The following RCBTB2 variants were observed in gnomAD, a reference collection of about 807,000 sequenced individuals.
RCBTB2 encodes the protein RCC1 and BTB domain containing protein 2.
Under a neutral mutation model 65.4 loss-of-function variants are expected in RCBTB2, and 55 were observed. That is an observed-to-expected ratio of 0.84 (90% confidence interval 0.68 to 1.05). The LOEUF (loss-of-function observed/expected upper bound fraction) is 1.05. RCBTB2 is among the 50% of genes least tolerant of loss of function. The probability of loss-of-function intolerance (pLI) is 0.00; values close to 1 mark genes in which losing one functional copy is unlikely to be tolerated. For synonymous variants in RCBTB2, 220 were observed against 255.2 expected, an observed-to-expected ratio of 0.86 and a Z score of 1.31; for missense variants, 599 against 680.1, an observed-to-expected ratio of 0.88 and a Z score of 1.33.
chr13:48,491,967 G>A (rs1949718335), intron 14 of RCBTB2, among the ~76,000 whole-genome samples: 1 of 152,172 alleles, frequency 6.6e-6, no homozygotes, highest in Admixed American at 6.5e-5. Context: ...TTAAAGAATT[G>A]TAGTCTATTT....
At chr13:48,493,315 A>ACTCTCTCCCTCTCTCTCTCTCT (rs1555297880) in intron 14 of RCBTB2, among the ~76,000 whole-genome samples, 10 of 75,082 alleles carry the variant, frequency 1.3e-4, no homozygotes, top group African/African-American at 5.4e-4. Context: ...ACACACACAC[A>ACTCTCTCCCTCTCTCTCTCTCT]CTCTCTCTCT....
chr13:48,512,218 A>G, intron 7 of RCBTB2, 44 bp from the exon 8 acceptor site: 1 of 1,528,086 alleles, frequency 6.5e-7, no homozygotes, highest in Non-Finnish European at 9.0e-7. Context: ...TTAATTTATA[A>G]ACTGTCTCAA....
chr13:48,527,339 T>TATATATATATATG (rs1951821072), intron 1 of RCBTB2, among the ~76,000 whole-genome samples: 1 of 118,074 alleles, frequency 8.5e-6, no homozygotes, highest in East Asian at 2.1e-4. Flanking sequence ...ATATATATGA[T>TATATATATATATG]ATATATATAT....
chr13:48,519,101 T>C (rs1566316027), intron 4 of RCBTB2, among the ~76,000 whole-genome samples: 1 of 152,220 alleles, frequency 6.6e-6, no homozygotes, highest in Non-Finnish European at 1.5e-5. Context: ...TCTTTCAAGA[T>C]CACTAGCTTC....
intron 6 of RCBTB2, 23 bp downstream of exon 6, chr13:48,515,182 T>A: frequency 6.2e-7 from 1 of 1,601,396 alleles, no homozygotes; most frequent in Non-Finnish European, 8.5e-7. Context: ...AAGCTGAAAT[T>A]CTACATGGGG....
chr13:48,508,367 G>A (rs560810450), intron 10 of RCBTB2, among the ~76,000 whole-genome samples: 52 of 152,158 alleles, frequency 3.4e-4, no homozygotes, highest in Middle Eastern at 3.4e-3. Context: ...ATTCAAGTAC[G>A]GAAAACAGAA....
At chr13:48,511,904 T>G (rs1218581355) in intron 8 of RCBTB2, 27 bp from the exon 9 acceptor site, 4 of 1,612,856 alleles carry the variant, frequency 2.5e-6, no homozygotes, top group Non-Finnish European at 3.4e-6. Context: ...CCCTCAATCC[T>G]CTCAAGAGAC....
intron 11 of RCBTB2, among the ~76,000 whole-genome samples, chr13:48,502,281 C>T (rs1371033155): frequency 6.6e-6 from 1 of 152,074 alleles, no homozygotes; most frequent in Non-Finnish European, 1.5e-5. Flanking sequence ...GTCTGAGGCC[C>T]ACGGTTTAAG....
chr13:48,498,983 C>T (rs1950100707), intron 13 of RCBTB2, among the ~76,000 whole-genome samples: 1 of 151,990 alleles, frequency 6.6e-6, no homozygotes, highest in African/African-American at 2.4e-5. Context: ...ACTTCCACTG[C>T]TATACAACCC....
intron 13 of RCBTB2, 102 bp from the exon 14 acceptor site, chr13:48,496,423 T>C: frequency 8.3e-7 from 1 of 1,208,502 alleles, no homozygotes; most frequent in East Asian, 2.6e-5. Context: ...ATTTTAGATA[T>C]AATCCTCAGT....
In RCBTB2 at chr13:48,501,565, C is replaced by T. The variant is rs572954560; in HGVS notation, c.1244+177G>A. On this transcript the variant is annotated intron_variant, in intron 12 of 14. Coordinates refer to ENST00000344532, the MANE Select transcript of RCBTB2 (RefSeq NM_001268.4). ...TATGGTACTGGTTCCCGGAACCACACAACCTGTGTTATTTCTTGTTTCATG... is the reference window on the plus strand; with the variant it reads ...TATGGTACTGGTTCCCGGAACCACATAACCTGTGTTATTTCTTGTTTCATG... 4.6e-5 allele frequency among the ~76,000 whole-genome samples: 7 copies of T among 152,326 alleles called. No individual in the cohort carries two copies. The East Asian group carries it at 1.2e-3, about 25-fold the overall frequency.
chr13:48,524,912 G>A (rs1187069465), intron 1 of RCBTB2, among the ~76,000 whole-genome samples, 155 bp from the exon 2 acceptor site: 1 of 152,100 alleles, frequency 6.6e-6, no homozygotes, highest in Non-Finnish European at 1.5e-5. Flanking sequence ...CAGCAGCAGA[G>A]ATGCTCTATT....
At position 48,502,725 on chromosome 13, in the gene RCBTB2, C is replaced by T. The variant is rs764036089; in HGVS notation, c.1116G>A (p.Val372=). The T allele has an allele frequency of 1.2e-5, 19 of 1,608,746 alleles. No individual in the cohort carries two copies. Among genetic ancestry groups the T allele is most frequent in the Non-Finnish European group, 1.5e-5 (18 of 1,176,610 alleles). ...CCAAATGGACAGTGACCAGCTTACC[C>T]ACGGAGAGGAGGCGCCACGTGACGG... ...TPAVTWRLLS[V]EPDDHLTVAE... is the part of the protein sequence containing the mutation. Residue 372 remains valine (V), a splice_region_variant and synonymous_variant, in exon 11 of 15, where the codon GTG becomes GTA. Transcript: ENST00000344532.
At chr13:48,526,947 A>C (rs1277038811) in intron 1 of RCBTB2, among the ~76,000 whole-genome samples, 1 of 152,092 alleles carries the variant, frequency 6.6e-6, no homozygotes, top group Non-Finnish European at 1.5e-5. Context: ...GATTTTTTTT[A>C]AATAGGAGGA....
At chr13:48,502,585 T>C (rs1047719717) in intron 11 of RCBTB2, 139 bp downstream of exon 11, 16 of 782,532 alleles carry the variant, frequency 2.0e-5, no homozygotes, top group Non-Finnish European at 2.9e-5. Flanking sequence ...AAAATAAAAT[T>C]AGTTCCCTTT....
chr13:48,496,144 G>T, intron 14 of RCBTB2, 47 bp downstream of exon 14: 1 of 1,409,514 alleles, frequency 7.1e-7, no homozygotes, highest in South Asian at 1.8e-5. Flanking sequence ...AGACACCTGG[G>T]TTCCATTTCT....
At chr13:48,493,370 C>A (rs1949830301) in intron 14 of RCBTB2, among the ~76,000 whole-genome samples, 1 of 150,232 alleles carries the variant, frequency 6.7e-6, no homozygotes, top group Non-Finnish European at 1.5e-5. Flanking sequence ...CTCTCTCTCT[C>A]TCCCTACCTC....
intron 14 of RCBTB2, among the ~76,000 whole-genome samples, chr13:48,493,882 G>A (rs1340036281): frequency 6.6e-6 from 1 of 152,044 alleles, no homozygotes; most frequent in Non-Finnish European, 1.5e-5. Flanking sequence ...GGATTGTTTT[G>A]TTCATTTGCA....
intron 12 of RCBTB2, among the ~76,000 whole-genome samples, chr13:48,500,594 A>C (rs889504204): frequency 6.6e-6 from 1 of 152,136 alleles, no homozygotes; most frequent in Non-Finnish European, 1.5e-5. Context: ...TTGGACACAG[A>C]CATGCACAAA....
Sources: gnomAD v4.1 joint callset for allele counts (sites outside exome capture counted in the v4.1 genomes callset) on GRCh38, gnomAD v4.1.1 for gene constraint, MANE v1.5 for transcripts, NCBI Gene and HGNC (gene_info 2026-07-23, HGNC 2026-07-21) for gene names.